TRAF3IP1: variants seen among roughly 807,000 people sequenced by gnomAD.
TRAF3IP1 encodes intraflagellar transport 54.
TRAF3IP1 carries 53 observed loss-of-function variants against 89.9 expected under a neutral mutation model. The ratio of observed to expected loss-of-function variants is 0.59; its 90% confidence interval spans 0.47 to 0.74. TRAF3IP1 has a LOEUF of 0.74. Among genes scored for constraint, TRAF3IP1 ranks in the 30% least tolerant of loss-of-function variants. The pLI, the probability that TRAF3IP1 is intolerant of heterozygous loss-of-function variation, is 0.00. For synonymous variants in TRAF3IP1, 311 were observed against 322.1 expected, an observed-to-expected ratio of 0.97 and a Z score of 0.37; for missense variants, 806 against 866.1, an observed-to-expected ratio of 0.93 and a Z score of 0.87.
rs139770539 is a variant in TRAF3IP1 at position 238,332,828 on chromosome 2, C to G, written c.920C>G (p.Ala307Gly). The G allele has an allele frequency of 3.1e-6, 5 of 1,602,624 alleles. No individual in the cohort carries two copies. The highest frequency in any genetic ancestry group is 4.3e-6 in the Non-Finnish European group (5 of 1,174,558). The change falls in exon 6 of 17, where the codon GCA becomes GGA. Residue 307 changes from alanine to glycine, a missense_variant. Ala to Gly is a moderately conservative substitution (Grantham distance 60). Coordinates refer to ENST00000373327, the MANE Select transcript of TRAF3IP1 (RefSeq NM_015650.4). ...REHDKPEKKS[A>G]SSGEMSKKLS... ...AATTTTTTTTTTTTTTAATAGTCAG[C>G]AAGCTCAGGGGAGATGTCTAAAAAG... is the stretch of plus-strand genomic sequence containing the variant.
rs997318213 is a variant in TRAF3IP1 at position 238,379,417 on chromosome 2, C to A, written c.1690-18042C>A. Reference sequence around the variant, plus strand: ...AGGGAAGAGTGAGGAGTGCCAGCTTCAGCAGAACTCCTTATTCTGTCTGCC... The same window carrying A: ...AGGGAAGAGTGAGGAGTGCCAGCTTAAGCAGAACTCCTTATTCTGTCTGCC... On this transcript the variant is annotated intron_variant, in intron 15 of 16. Coordinates refer to ENST00000373327, the MANE Select transcript of TRAF3IP1 (RefSeq NM_015650.4). The surrounding 1 kb of genome is among the most constrained non-coding windows in gnomAD (Gnocchi z 4.0). Among the ~76,000 whole-genome samples the A allele has an allele frequency of 2.6e-5, 4 of 152,240 alleles. No homozygotes were observed. Among genetic ancestry groups the A allele is most frequent in the East Asian group, 3.8e-4 (2 of 5,200 alleles).
At chr2:238,349,010 G>A (rs531958793) in intron 11 of TRAF3IP1, among the ~76,000 whole-genome samples, 162 bp downstream of exon 11, 8 of 152,254 alleles carry the variant, frequency 5.3e-5, no homozygotes, top group African/African-American at 1.9e-4. Flanking sequence ...CTGTACTGGA[G>A]TTATATCACT....
intron 15 of TRAF3IP1, among the ~76,000 whole-genome samples, chr2:238,383,354 C>T (rs1236218725): frequency 1.3e-5 from 2 of 152,234 alleles, no homozygotes; most frequent in Non-Finnish European, 2.9e-5. Flanking sequence ...TCAGTAAGTG[C>T]TGTGAGTGTG....
intron 1 of TRAF3IP1, among the ~76,000 whole-genome samples, chr2:238,322,133 G>A (rs1215175497): frequency 6.6e-6 from 1 of 152,188 alleles, no homozygotes; most frequent in Non-Finnish European, 1.5e-5. Context: ...ACAATGTGCC[G>A]CATCACCACC....
At chr2:238,359,274 G>T (rs1389220529) in intron 15 of TRAF3IP1, among the ~76,000 whole-genome samples, 1 of 152,116 alleles carries the variant, frequency 6.6e-6, no homozygotes, top group African/African-American at 2.4e-5. Context: ...CCATGCCAAC[G>T]ACAGTCAAGA....
In TRAF3IP1 at chr2:238,321,390, A is replaced by G. The variant is rs148373186; in HGVS notation, c.123+605A>G. 2.9e-3 allele frequency among the ~76,000 whole-genome samples: 448 copies of G among 152,258 alleles called. 2 individuals carry two copies. The highest frequency in any genetic ancestry group is 0.01 in the African/African-American group (420 of 41,544). ...TTTTTTATACAACCCTTCTGCCCCA[A>G]AGTTTCCCTCCATACCACATTTTGG... is the stretch of plus-strand genomic sequence containing the variant. On this transcript the variant is annotated intron_variant, in intron 1 of 16. Coordinates refer to ENST00000373327, the MANE Select transcript of TRAF3IP1 (RefSeq NM_015650.4).
rs145411836 is a variant in TRAF3IP1 at position 238,398,674 on chromosome 2, T to C, written c.1911-80T>C. The C allele has an allele frequency of 3.2e-4, 427 of 1,349,650 alleles. 1 individual carries two copies. The African/African-American group carries it at 5.7e-3, about 18-fold the overall frequency. 83.6% of individuals were successfully genotyped at this position (1,349,650 alleles called of 1,614,324 possible). A position where few individuals can be genotyped will look rare whatever the true frequency, so the allele number is the denominator to read the frequency against. ...GATGAAACGAATAATTTACTTCTGT[T>C]GTCTTTCAATGTCTTAATTAAGAAG... On this transcript the variant is annotated intron_variant, in intron 16 of 16. Transcript: ENST00000373327.
Position 238,362,757 on chromosome 2 carries a change from C to T in TRAF3IP1, c.1689+6677C>T, listed in dbSNP as rs372507773. Among the ~76,000 whole-genome samples the T allele has an allele frequency of 2.4e-4, 37 of 152,366 alleles. No individual in the cohort carries two copies. In the East Asian group the frequency reaches 3.1e-3, roughly 13 times the overall value. On this transcript the variant is annotated intron_variant, in intron 15 of 16. Coordinates refer to ENST00000373327, the MANE Select transcript of TRAF3IP1 (RefSeq NM_015650.4). ...CACAAACTAGAACGTGTCAAATTTT[C>T]TCAGTGCCTGCCATGCTCAGAAAAT...
chr2:238,349,376 G>A lies in TRAF3IP1; in HGVS notation c.1419G>A (p.Arg473=). The change falls in exon 12 of 17, where the codon CGG becomes CGA. Residue 473 remains arginine (R), a synonymous_variant. Transcript: ENST00000373327. ...SARPAPPRVK[R]QDSMEALQMD... The stretch of plus-strand genomic sequence containing the variant: ...GACCAGCCCCTCCCCGGGTCAAACG[G>A]CAAGACAGCATGGAGGCGCTACAAA... 6.2e-7 allele frequency: 1 copy of A among 1,614,138 alleles called. No homozygotes were observed. Among genetic ancestry groups the A allele is most frequent in the Non-Finnish European group, 8.5e-7 (1 of 1,180,018 alleles).
intron 12 of TRAF3IP1, among the ~76,000 whole-genome samples, chr2:238,349,854 G>T (rs1377828734): frequency 6.6e-6 from 1 of 152,208 alleles, no homozygotes; most frequent in African/African-American, 2.4e-5. Flanking sequence ...CGGATGGCTT[G>T]AGGTCAGGAG....
At chr2:238,325,708 G>A in intron 2 of TRAF3IP1, 101 bp from the exon 3 acceptor site, 2 of 1,184,080 alleles carry the variant, frequency 1.7e-6, no homozygotes, top group Admixed American at 2.5e-5. Context: ...AAACAGCTTT[G>A]TATGTAAACA....
chr2:238,354,287 C>G (rs1277741475), intron 14 of TRAF3IP1, among the ~76,000 whole-genome samples: 2 of 152,238 alleles, frequency 1.3e-5, no homozygotes, highest in African/African-American at 4.8e-5. Context: ...TGCCCCATAA[C>G]TGCCTCATTT....
chr2:238,347,510 C>T, intron 10 of TRAF3IP1, 35 bp downstream of exon 10: 5 of 1,609,674 alleles, frequency 3.1e-6, no homozygotes, highest in Non-Finnish European at 4.3e-6. Context: ...TGTGTCATAT[C>T]AATTGTATGC....
intron 14 of TRAF3IP1, among the ~76,000 whole-genome samples, chr2:238,354,824 G>A (rs1251213038): frequency 6.6e-6 from 1 of 151,726 alleles, no homozygotes; most frequent in Non-Finnish European, 1.5e-5. Context: ...TTATTTTTTT[G>A]TATTTTTAGT....
intron 7 of TRAF3IP1, among the ~76,000 whole-genome samples, chr2:238,335,631 C>T (rs1358276096): frequency 6.6e-6 from 1 of 152,042 alleles, no homozygotes; most frequent in Non-Finnish European, 1.5e-5. Flanking sequence ...TAAATATATG[C>T]TTTCATTAGT....
At chr2:238,356,995 G>C (rs1185842677) in intron 15 of TRAF3IP1, among the ~76,000 whole-genome samples, 1 of 152,134 alleles carries the variant, frequency 6.6e-6, no homozygotes, top group Admixed American at 6.5e-5. Flanking sequence ...AGCCAGGATG[G>C]TCTCGATCTC....
At chr2:238,321,079 T>C (rs2106352576) in intron 1 of TRAF3IP1, among the ~76,000 whole-genome samples, 1 of 152,222 alleles carries the variant, frequency 6.6e-6, no homozygotes, top group Non-Finnish European at 1.5e-5. Flanking sequence ...GGCCCCTGCC[T>C]GGGAGCCCGG....
intron 15 of TRAF3IP1, among the ~76,000 whole-genome samples, chr2:238,358,487 G>C (rs1699520614): frequency 6.6e-6 from 1 of 152,182 alleles, no homozygotes; most frequent in South Asian, 2.1e-4. Context: ...AGTGAGCTGT[G>C]ATTGCACTGC....
chr2:238,382,055 GTGA>G (rs1364047068), intron 15 of TRAF3IP1, among the ~76,000 whole-genome samples: 1 of 152,128 alleles, frequency 6.6e-6, no homozygotes, highest in East Asian at 1.9e-4. Context: ...TAAGCAACCA[GTGA>G]TGTTTGGGGC....
Sources: gnomAD v4.1 joint callset for allele counts (sites outside exome capture counted in the v4.1 genomes callset) on GRCh38, gnomAD v4.1.1 for gene constraint, Gnocchi (gnomAD v3.1) non-coding constraint, MANE v1.5 for transcripts, NCBI Gene and HGNC (gene_info 2026-07-23, HGNC 2026-07-21) for gene names.